The following ATG4B variants were observed in gnomAD, a reference collection of about 807,000 sequenced individuals.
ATG4B encodes the protein autophagy related 4B cysteine peptidase, also known as cysteine protease ATG4B.
Under a neutral mutation model 56.6 loss-of-function variants are expected in ATG4B, and 29 were observed. The ratio of observed to expected loss-of-function variants is 0.51; its 90% CI spans 0.38 to 0.70. The LOEUF is 0.70. Among genes scored for constraint, ATG4B ranks in the 30% least tolerant of loss-of-function variants. The pLI, the probability that ATG4B is intolerant of heterozygous loss-of-function variation, is 0.00. For synonymous variants in ATG4B, 224 were observed against 206.1 expected, an observed-to-expected ratio of 1.09 and a Z score of -0.74; for missense variants, 461 against 515.5, an observed-to-expected ratio of 0.89 and a Z score of 1.02.
rs559318849 is a variant in ATG4B at position 241,644,897 on chromosome 2, C to T, written c.11-6113C>T. 6.0e-5 allele frequency among the ~76,000 whole-genome samples: 9 copies of T among 150,966 alleles called. No individual in the cohort carries two copies. The East Asian group carries it at 1.6e-3, about 26-fold the overall frequency. ...CCGGGAGGCGGAGGTTGCAGTGAGC[C>T]GAGATCGTGCCATTGCACTCCAGCC... On this transcript the variant is annotated intron_variant, in intron 1 of 12. Transcript: ENST00000404914.
Position 241,666,820 on chromosome 2 carries a change from CTACGT to C in ATG4B, c.715_719del (p.Tyr239GlyfsTer32). 6.4e-7 allele frequency: 1 copy of C among 1,567,202 alleles called. No homozygotes were observed. On this transcript the variant is annotated frameshift_variant, in exon 8 of 13. Coordinates refer to ENST00000404914, the MANE Select transcript of ATG4B (RefSeq NM_013325.5). LOFTEE classifies it high-confidence loss of function. Reference sequence around the variant, plus strand: ...TGGGGCTCACGGACATCAACGAGGCCTACGTGGAGACGCTGAAGGTGGGTCCTGCC... The same window carrying C: ...TGGGGCTCACGGACATCAACGAGGCCGGAGACGCTGAAGGTGGGTCCTGCC...
Position 241,637,740 on chromosome 2 carries a change from G to C in ATG4B, c.10+16G>C, listed in dbSNP as rs1490580887. ...ATGGACGCAGGTGAGGAGTTGCCGG[G>C]GGTCGGTCTTTCCGCAGGAGGTGCT... On this transcript the variant is annotated intron_variant, in intron 1 of 12. Transcript: ENST00000404914. 6.4e-7 allele frequency: 1 copy of C among 1,572,714 alleles called. No individual in the cohort carries two copies. The highest frequency in any genetic ancestry group is 1.4e-5 in the African/African-American group (1 of 70,540).
At position 241,655,394 on chromosome 2, in the gene ATG4B, G is replaced by T. The variant is rs367928434; in HGVS notation, c.458+51G>T. On this transcript the variant is annotated intron_variant, in intron 6 of 12. Transcript: ENST00000404914. Reference sequence around the variant, plus strand: ...GCATGGGGCAGCAGGGATGTTCCCTGGGGGTTAAATTCTCCTTGAGTCTTC... The same window carrying T: ...GCATGGGGCAGCAGGGATGTTCCCTTGGGGTTAAATTCTCCTTGAGTCTTC... 21 of 1,553,322 alleles carry T rather than the reference G, an allele frequency of 1.4e-5. No homozygotes were observed. The East Asian group carries it at 2.6e-4, about 19-fold the overall frequency.
intron 6 of ATG4B, among the ~76,000 whole-genome samples, chr2:241,656,073 C>T (rs552818655): frequency 8.7e-4 from 132 of 152,294 alleles, no homozygotes; most frequent in African/African-American, 3.0e-3. Flanking sequence ...AGCGTCTCCC[C>T]AGCCTGTCTT....
intron 7 of ATG4B, among the ~76,000 whole-genome samples, chr2:241,662,938 C>A (rs1346762262): frequency 6.6e-6 from 1 of 151,850 alleles, no homozygotes; most frequent in Non-Finnish European, 1.5e-5. Context: ...ATCCCAACTT[C>A]AAAACCAATA....
intron 8 of ATG4B, 69 bp downstream of exon 8, chr2:241,666,907 C>T (rs1243198130): frequency 2.3e-5 from 34 of 1,493,512 alleles, no homozygotes; most frequent in East Asian, 9.9e-5. Flanking sequence ...TCACTTTCAG[C>T]GCATCGTCGT....
intron 1 of ATG4B, among the ~76,000 whole-genome samples, chr2:241,648,979 G>A (rs1353489262): frequency 6.6e-6 from 1 of 152,216 alleles, no homozygotes; most frequent in Non-Finnish European, 1.5e-5. Context: ...CAGCCCTTCT[G>A]TCTGCCAGCC....
intron 1 of ATG4B, among the ~76,000 whole-genome samples, chr2:241,640,735 G>A (rs537029622): frequency 6.6e-6 from 1 of 152,322 alleles, no homozygotes; most frequent in African/African-American, 2.4e-5. Context: ...AAGACTTAAA[G>A]CAGTGTAGGA....
At position 241,659,206 on chromosome 2, in the gene ATG4B, C is replaced by G; in HGVS notation, c.538+19C>G. On this transcript the variant is annotated intron_variant, in intron 7 of 12. Coordinates refer to ENST00000404914, the MANE Select transcript of ATG4B (RefSeq NM_013325.5). ...GAAATCAGTAAGTGGCTCAGAGTTT[C>G]CATGGACAAGAAAGTTGAAATCACG... is the stretch of plus-strand genomic sequence containing the variant. 3.1e-6 allele frequency: 5 copies of G among 1,608,728 alleles called. No homozygotes were observed. Among genetic ancestry groups the G allele is most frequent in the Non-Finnish European group, 4.3e-6 (5 of 1,175,514 alleles).
At chr2:241,643,908 A>G (rs192446468) in intron 1 of ATG4B, among the ~76,000 whole-genome samples, 2 of 152,292 alleles carry the variant, frequency 1.3e-5, no homozygotes, top group East Asian at 1.9e-4. Context: ...ATCAGGAGCT[A>G]CATGAATTAC....
chr2:241,664,637 G>C (rs1185430315), intron 7 of ATG4B, among the ~76,000 whole-genome samples: 1 of 151,992 alleles, frequency 6.6e-6, no homozygotes. Context: ...AGGATTGCTT[G>C]AGACCAACCT....
At chr2:241,666,586 T>C (rs1302839879) in intron 7 of ATG4B, 59 bp from the exon 8 acceptor site, 2 of 1,559,228 alleles carry the variant, frequency 1.3e-6, no homozygotes, top group African/African-American at 1.4e-5. Flanking sequence ...TGCTTGCTTG[T>C]TGTGGGAGCA....
chr2:241,638,118 G>A (rs991154712), intron 1 of ATG4B: 1 of 161,640 alleles, frequency 6.2e-6, no homozygotes, highest in East Asian at 1.7e-4. Context: ...GCGAGCGGCG[G>A]GCGAAAGCGT....
rs1375561541 is a variant in ATG4B, at chr2:241,659,481, C to T, written c.538+294C>T. 18 of 439,152 alleles carry T rather than the reference C, an allele frequency of 4.1e-5. 1 individual carries two copies. Among genetic ancestry groups the T allele is most frequent in the South Asian group, 2.3e-4 (12 of 51,876 alleles). The allele number at this position is 439,152 out of a possible 1,614,324, so 27.2% of individuals were successfully genotyped here. A position where few individuals can be genotyped will look rare whatever the true frequency, so the allele number is the denominator to read the frequency against. On this transcript the variant is annotated intron_variant, in intron 7 of 12. Coordinates refer to ENST00000404914, the MANE Select transcript of ATG4B (RefSeq NM_013325.5). ...TTATGAAGGCCCTGCTGTGCTTAGG[C>T]GCCCTCGTGTGGGAATTCTGGTGAA...
In ATG4B at chr2:241,669,504, T is replaced by TTTTG. The variant is rs199951183; in HGVS notation, c.957+835_957+838dup. ...GGGCTGGAGCTCTGTGGCTCACACT[T>TTTTG]TTTGTTTGTTTGTTTGTTTTTGAGA... On this transcript the variant is annotated intron_variant, in intron 10 of 12. Transcript: ENST00000404914. 9.8e-4 allele frequency among the ~76,000 whole-genome samples: 149 copies of TTTTG among 151,720 alleles called. 1 individual carries two copies. Among genetic ancestry groups the TTTTG allele is most frequent in the African/African-American group, 3.5e-3 (146 of 41,358 alleles).
At chr2:241,642,871 C>CTTTTTTT (rs1321613822) in intron 1 of ATG4B, among the ~76,000 whole-genome samples, 5,102 of 98,264 alleles carry the variant, frequency 0.052, 1,473 homozygotes, top group African/African-American at 0.059. Context: ...ACCTCTCCGT[C>CTTTTTTT]CTTTTTTTTT....
At chr2:241,662,413 T>C (rs1172189476) in intron 7 of ATG4B, among the ~76,000 whole-genome samples, 1 of 152,196 alleles carries the variant, frequency 6.6e-6, no homozygotes, top group Non-Finnish European at 1.5e-5. Flanking sequence ...ACTGTGTAGT[T>C]GTCATTGATA....
At chr2:241,641,210 G>A (rs1008589274) in intron 1 of ATG4B, among the ~76,000 whole-genome samples, 7 of 152,166 alleles carry the variant, frequency 4.6e-5, no homozygotes, top group South Asian at 2.1e-4. Context: ...GGGTAGAGAG[G>A]GAGGAGTTAA....
At chr2:241,664,394 C>T (rs556889779) in intron 7 of ATG4B, among the ~76,000 whole-genome samples, 30 of 152,062 alleles carry the variant, frequency 2.0e-4, no homozygotes, top group Middle Eastern at 6.8e-3. Flanking sequence ...AAAAACTAGC[C>T]GGACATGGGG....
Sources: gnomAD v4.1 joint callset for allele counts (sites outside exome capture counted in the v4.1 genomes callset) on GRCh38, gnomAD v4.1.1 for gene constraint, MANE v1.5 for transcripts, NCBI Gene and HGNC (gene_info 2026-07-23, HGNC 2026-07-21) for gene names.